The following TYW1 variants were observed in gnomAD, a reference collection of about 807,000 sequenced individuals.
The protein encoded by TYW1 is tRNA-yW synthesizing protein 1 homolog, also known as S-adenosyl-L-methionine-dependent tRNA 4-demethylwyosine synthase TYW1.
TYW1 carries 46 observed loss-of-function variants against 96.2 expected under a neutral mutation model. The ratio of observed to expected loss-of-function variants is 0.48; its 90% CI spans 0.38 to 0.61. The LOEUF (loss-of-function observed/expected upper bound fraction) is 0.61, where lower values mean the gene tolerates loss of function less well. TYW1 is among the 20% of genes least tolerant of loss of function. The probability of loss-of-function intolerance (pLI) is 0.00; values close to 1 mark genes in which losing one functional copy is unlikely to be tolerated. For synonymous variants in TYW1, 274 were observed against 323.0 expected (o/e 0.85, Z 1.63); for missense variants, 684 against 909.6 (o/e 0.75, Z 3.19).
chr7:67,188,558 A>G (rs1800101669), intron 14 of TYW1, among the ~76,000 whole-genome samples: 1 of 152,156 alleles, frequency 6.6e-6, no homozygotes, highest in African/African-American at 2.4e-5. Context: ...CCATGGTCCT[A>G]GTAGACAGTA....
intron 10 of TYW1, among the ~76,000 whole-genome samples, chr7:67,080,738 G>C (rs7794380): frequency 0.24 from 36,907 of 151,848 alleles, 4,767 homozygotes; most frequent in African/African-American, 0.32. Flanking sequence ...TTTTTCCATC[G>C]CATTCACTTT....
chr7:67,172,805 C>G (rs1297091424), intron 13 of TYW1, among the ~76,000 whole-genome samples: 1 of 152,120 alleles, frequency 6.6e-6, no homozygotes, highest in African/African-American at 2.4e-5. Context: ...TATGTCTCTT[C>G]TTCCAGCTGA....
At chr7:67,142,472 A>C (rs1192254348) in intron 13 of TYW1, among the ~76,000 whole-genome samples, 2 of 151,888 alleles carry the variant, frequency 1.3e-5, no homozygotes, top group Non-Finnish European at 2.9e-5. Context: ...TCTGTCACCC[A>C]GTCTGGAGTG....
At chr7:67,103,429 A>G (rs1169131347) in intron 12 of TYW1, among the ~76,000 whole-genome samples, 1 of 152,248 alleles carries the variant, frequency 6.6e-6, no homozygotes, top group Non-Finnish European at 1.5e-5. Context: ...TTGCCATGCT[A>G]GATATTATGA....
Position 67,104,053 on chromosome 7 carries a change from A to T in TYW1, c.1562+5335A>T, listed in dbSNP as rs142105995. Reference sequence around the variant, plus strand: ...GAATTTCTTTTTCTAAGTAACTGCAATACCACCTGTACTCTGGTATCTTTT... The same window carrying T: ...GAATTTCTTTTTCTAAGTAACTGCATTACCACCTGTACTCTGGTATCTTTT... On this transcript the variant is annotated intron_variant, in intron 12 of 15. Coordinates refer to ENST00000359626, the MANE Select transcript of TYW1 (RefSeq NM_018264.4). Among the ~76,000 whole-genome samples the T allele has an allele frequency of 7.6e-3, 1,161 of 152,182 alleles. 20 individuals carry two copies. Among genetic ancestry groups the T allele is most frequent in the Admixed American group, 0.031 (473 of 15,274 alleles).
intron 2 of TYW1, 105 bp from the exon 3 acceptor site, chr7:66,998,712 T>G: frequency 7.6e-7 from 1 of 1,315,326 alleles, no homozygotes; most frequent in Non-Finnish European, 1.1e-6. Context: ...TGTGTCAGAT[T>G]AAGAGAAAAA....
intron 11 of TYW1, among the ~76,000 whole-genome samples, chr7:67,097,858 A>T (rs942233565): frequency 7.1e-6 from 1 of 140,570 alleles, no homozygotes; most frequent in Non-Finnish European, 1.5e-5. Context: ...ATGCCCAGCT[A>T]TTTTTTTTTT....
At chr7:67,049,601 C>T (rs1319693256) in intron 7 of TYW1, among the ~76,000 whole-genome samples, 1 of 151,906 alleles carries the variant, frequency 6.6e-6, no homozygotes, top group African/African-American at 2.4e-5. Flanking sequence ...GGCTGGAGTA[C>T]GGTGGTGTGA....
intron 6 of TYW1, among the ~76,000 whole-genome samples, chr7:67,019,515 A>T (rs1457592127): frequency 6.6e-6 from 1 of 152,252 alleles, no homozygotes; most frequent in East Asian, 1.9e-4. Context: ...TAAATTAGAG[A>T]CAGTGTCTCA....
intron 13 of TYW1, among the ~76,000 whole-genome samples, chr7:67,181,869 G>A (rs11764376): frequency 0.28 from 42,725 of 151,926 alleles, 6,519 homozygotes; most frequent in African/African-American, 0.4. Context: ...AGACAGTCTT[G>A]CTCTGTCTCA....
intron 10 of TYW1, among the ~76,000 whole-genome samples, chr7:67,080,024 A>G (rs1387138443): frequency 6.6e-6 from 1 of 152,204 alleles, no homozygotes; most frequent in Non-Finnish European, 1.5e-5. Flanking sequence ...TATTTTATGT[A>G]TGGATGAGAA....
At chr7:67,075,723 G>C (rs1383466633) in intron 10 of TYW1, among the ~76,000 whole-genome samples, 1 of 152,202 alleles carries the variant, frequency 6.6e-6, no homozygotes, top group Non-Finnish European at 1.5e-5. Context: ...GGGCCGGAGG[G>C]AATATGGGGG....
chr7:67,070,030 T>C lies in TYW1; in HGVS notation c.1274+2627T>C, dbSNP rs191494900. ...GAAATCTAGACTGACAGTTTTTTTCTTGTAACATTTTAAATATGCTCTCCC... is the reference window on the plus strand; with the variant it reads ...GAAATCTAGACTGACAGTTTTTTTCCTGTAACATTTTAAATATGCTCTCCC... On this transcript the variant is annotated intron_variant, in intron 10 of 15. Transcript: ENST00000359626. Among the ~76,000 whole-genome samples, 6 of 152,370 alleles carry C rather than the reference T, an allele frequency of 3.9e-5. No homozygotes were observed. The East Asian group carries it at 1.2e-3, about 29-fold the overall frequency.
intron 15 of TYW1, among the ~76,000 whole-genome samples, chr7:67,221,896 CA>C (rs1311469644): frequency 6.9e-6 from 1 of 144,964 alleles, no homozygotes; most frequent in Non-Finnish European, 1.5e-5. Context: ...AGTGTGTTAA[CA>C]TAGAAAACAA....
intron 15 of TYW1, among the ~76,000 whole-genome samples, chr7:67,211,888 C>T (rs181483247): frequency 2.0e-5 from 3 of 152,278 alleles, no homozygotes; most frequent in East Asian, 1.9e-4. Flanking sequence ...TGCCCTTCAG[C>T]GAGATTATTT....
chr7:67,154,530 C>CT (rs111522787), intron 13 of TYW1, among the ~76,000 whole-genome samples: 2,808 of 151,562 alleles, frequency 0.019, 82 homozygotes, highest in African/African-American at 0.064. Context: ...CTCTCCTGTT[C>CT]TATAAGGGTT....
chr7:67,144,938 A>G (rs180740577), intron 13 of TYW1, among the ~76,000 whole-genome samples: 257 of 151,698 alleles, frequency 1.7e-3, no homozygotes, highest in African/African-American at 6.2e-3. Flanking sequence ...TCCAAATACA[A>G]TCAGTCGATG....
chr7:67,056,091 C>T (rs1336333996), intron 9 of TYW1, among the ~76,000 whole-genome samples: 1 of 152,186 alleles, frequency 6.6e-6, no homozygotes, highest in Admixed American at 6.5e-5. Flanking sequence ...AAGTTATTAT[C>T]CCCACCCCAG....
chr7:67,058,157 A>G (rs547525278), intron 9 of TYW1, among the ~76,000 whole-genome samples: 115 of 151,950 alleles, frequency 7.6e-4, no homozygotes, highest in Middle Eastern at 3.2e-3. Flanking sequence ...GATGGTCTCA[A>G]TCTCCTGACC....
Sources: gnomAD v4.1 joint callset for allele counts (sites outside exome capture counted in the v4.1 genomes callset) on GRCh38, gnomAD v4.1.1 for gene constraint, MANE v1.5 for transcripts, NCBI Gene and HGNC (gene_info 2026-07-23, HGNC 2026-07-21) for gene names.